Variants in BOLL observed in about 807,000 individuals in gnomAD.
The protein encoded by BOLL is boule RNA binding protein.
BOLL carries 23 observed loss-of-function variants against 44.4 expected under a neutral mutation model. The observed-to-expected ratio is 0.52, with a 90% CI of 0.37 to 0.73. BOLL has a LOEUF of 0.73. Among genes scored for constraint, BOLL ranks in the 30% least tolerant of loss-of-function variants. The pLI is 0.00. For missense variants in BOLL, 287 were observed against 338.3 expected, an observed-to-expected ratio of 0.85 and a Z score of 1.19; for synonymous variants, 97 against 110.8, an observed-to-expected ratio of 0.88 and a Z score of 0.78.
intron 7 of BOLL, among the ~76,000 whole-genome samples, chr2:197,765,766 G>A (rs114231164): frequency 0.02 from 3,075 of 151,876 alleles, 100 homozygotes; most frequent in African/African-American, 0.071. Flanking sequence ...AGGTAAACTC[G>A]TGTCACAGGA....
intron 7 of BOLL, among the ~76,000 whole-genome samples, chr2:197,758,521 G>A (rs1052019058): frequency 7.9e-5 from 12 of 152,178 alleles, no homozygotes; most frequent in African/African-American, 2.4e-4. Flanking sequence ...AGGGGAAAAA[G>A]AAGACTCAAC....
At chr2:197,737,142 G>A (rs548680242) in intron 10 of BOLL, among the ~76,000 whole-genome samples, 8 of 151,830 alleles carry the variant, frequency 5.3e-5, no homozygotes, top group Non-Finnish European at 1.0e-4. Context: ...TGAGAACATG[G>A]GATACATCTT....
intron 9 of BOLL, among the ~76,000 whole-genome samples, chr2:197,743,400 T>C (rs987882553): frequency 6.6e-6 from 1 of 152,284 alleles, no homozygotes; most frequent in East Asian, 1.9e-4. Context: ...CCTATAGACA[T>C]GTATAGGGAT....
chr2:197,770,293 A>G (rs867543093), intron 6 of BOLL, among the ~76,000 whole-genome samples: 18 of 152,334 alleles, frequency 1.2e-4, no homozygotes, highest in Middle Eastern at 3.4e-3. Flanking sequence ...GGCTAGCCAT[A>G]TGTAGAAAGC....
rs11885211 is a variant in BOLL, at chr2:197,755,069, C to A, written c.729+1359G>T. Among the ~76,000 whole-genome samples the A allele has an allele frequency of 3.0e-3, 452 of 152,208 alleles. 2 individuals carry two copies. Among genetic ancestry groups the A allele is most frequent in the African/African-American group, 9.6e-3 (400 of 41,528 alleles). ...TTCACAAGAAAAAAACAAAGAACCT[C>A]GTTAAAAAGTCGGCAAAGGACACGA... On this transcript the variant is annotated intron_variant, in intron 9 of 10. Transcript: ENST00000392296.
At chr2:197,778,805 T>TACACACACACACACACACACACACAC (rs71964015) in intron 3 of BOLL, among the ~76,000 whole-genome samples, 170 bp downstream of exon 3, 6 of 143,552 alleles carry the variant, frequency 4.2e-5, no homozygotes, top group African/African-American at 1.5e-4. Context: ...CCCTCCAAAA[T>TACACACACACACACACACACACACAC]ACACACACAC....
chr2:197,781,501 G>C (rs1467667018), intron 2 of BOLL, among the ~76,000 whole-genome samples: 2 of 152,150 alleles, frequency 1.3e-5, no homozygotes, highest in Non-Finnish European at 2.9e-5. Flanking sequence ...GCAGCCCACA[G>C]CAAGTCAGTG....
intron 7 of BOLL, among the ~76,000 whole-genome samples, chr2:197,757,773 A>C (rs183602048): frequency 2.9e-4 from 44 of 152,310 alleles, no homozygotes; most frequent in Admixed American, 5.2e-4. Context: ...CATGGAACTT[A>C]TATCAAGAAT....
chr2:197,729,567 G>A (rs1445077376), intron 10 of BOLL, among the ~76,000 whole-genome samples: 2 of 152,192 alleles, frequency 1.3e-5, no homozygotes, highest in African/African-American at 4.8e-5. Context: ...GTCCCTGTCT[G>A]ACAGCTTTGA....
At chr2:197,749,096 G>C (rs1574826131) in intron 9 of BOLL, among the ~76,000 whole-genome samples, 2 of 152,180 alleles carry the variant, frequency 1.3e-5, no homozygotes, top group Admixed American at 1.3e-4. Flanking sequence ...AGGCAAACAG[G>C]GTCTGGGGTG....
At chr2:197,746,320 A>G (rs1014667179) in intron 9 of BOLL, among the ~76,000 whole-genome samples, 2 of 152,228 alleles carry the variant, frequency 1.3e-5, no homozygotes, top group Non-Finnish European at 2.9e-5. Flanking sequence ...AAATGAAGTC[A>G]GTATGTTAAA....
intron 4 of BOLL, among the ~76,000 whole-genome samples, chr2:197,776,798 TA>T (rs1553486989): frequency 6.6e-6 from 1 of 151,946 alleles, no homozygotes; most frequent in Non-Finnish European, 1.5e-5. Context: ...TTCAAAATGC[TA>T]TTAACACTTC....
intron 6 of BOLL, among the ~76,000 whole-genome samples, chr2:197,767,586 T>G (rs1689051495): frequency 1.3e-5 from 2 of 151,958 alleles, no homozygotes; most frequent in Admixed American, 1.3e-4. Flanking sequence ...CTTCCTTAAT[T>G]GATTTAGGGC....
In BOLL at chr2:197,760,157, A is replaced by G. The variant is rs148715060; in HGVS notation, c.553-2757T>C. On this transcript the variant is annotated intron_variant, in intron 7 of 10. Coordinates refer to ENST00000392296, the MANE Select transcript of BOLL (RefSeq NM_033030.6). ...AGCCCTGTGCCTGCATTCTGGGCCT[A>G]TGAAACAGCCCTCACAGAAACGTTT... Among the ~76,000 whole-genome samples, 1,113 of 152,184 alleles carry G rather than the reference A, an allele frequency of 7.3e-3. 5 individuals are homozygous for G. Among genetic ancestry groups the G allele is most frequent in the Non-Finnish European group, 0.012 (810 of 67,978 alleles).
At chr2:197,749,651 C>T (rs957115244) in intron 9 of BOLL, among the ~76,000 whole-genome samples, 41 of 151,654 alleles carry the variant, frequency 2.7e-4, no homozygotes, top group African/African-American at 9.9e-4. Flanking sequence ...GGAAGATTGA[C>T]TTAATGAAAT....
intron 6 of BOLL, among the ~76,000 whole-genome samples, chr2:197,771,541 G>A (rs887312168): frequency 6.6e-6 from 1 of 151,812 alleles, no homozygotes; most frequent in Admixed American, 6.6e-5. Flanking sequence ...CACTAAAGCA[G>A]TACTATATGT....
At chr2:197,765,637 T>C (rs1487815705) in intron 7 of BOLL, among the ~76,000 whole-genome samples, 1 of 151,978 alleles carries the variant, frequency 6.6e-6, no homozygotes, top group Non-Finnish European at 1.5e-5. Context: ...AAAAAAACAC[T>C]ACCAAGGATT....
At chr2:197,759,176 G>C (rs999366054) in intron 7 of BOLL, among the ~76,000 whole-genome samples, 2 of 152,192 alleles carry the variant, frequency 1.3e-5, no homozygotes. Context: ...CCGCAGGGGA[G>C]TGGAGACACA....
chr2:197,755,370 T>C lies in BOLL; in HGVS notation c.729+1058A>G, dbSNP rs578062659. Among the ~76,000 whole-genome samples, 5 of 152,326 alleles carry C rather than the reference T, an allele frequency of 3.3e-5. No homozygotes were observed. The South Asian group carries it at 1.0e-3, about 32-fold the overall frequency. On this transcript the variant is annotated intron_variant, in intron 9 of 10. Coordinates refer to ENST00000392296, the MANE Select transcript of BOLL (RefSeq NM_033030.6). ...AAAGACCTAGAGGCAGAAATACCAT[T>C]TGACCCAGCAATCCCATTACTGGGT...
Sources: allele counts gnomAD v4.1 joint callset (sites outside exome capture counted in the v4.1 genomes callset), GRCh38; gene constraint gnomAD v4.1.1; transcripts MANE v1.5; gene names NCBI Gene and HGNC (gene_info 2026-07-23, HGNC 2026-07-21).